Variants in GPHN observed in about 807,000 individuals in gnomAD.
GPHN encodes gephyrin.
A neutral mutation model predicts 95.5 loss-of-function variants in GPHN; 17 were observed. That is an observed-to-expected ratio of 0.18 (90% CI 0.12 to 0.27). GPHN has a LOEUF of 0.27. Among genes scored for constraint, GPHN ranks in the 10% least tolerant of loss-of-function variants. The pLI is 1.00. For synonymous variants in GPHN, 320 were observed against 322.5 expected, an observed-to-expected ratio of 0.99 and a Z score of 0.08; for missense variants, 660 against 978.1, an observed-to-expected ratio of 0.67 and a Z score of 4.34.
chr14:67,673,960 G>GAA, the GPHN span, among the ~76,000 whole-genome samples: 1 of 152,092 alleles, frequency 6.6e-6, no homozygotes, highest in African/African-American at 2.4e-5. Context: ...TGACTCCTTT[G>GAA]GGTTTTTAAC....
chr14:66,585,374 G>A (rs905382654), intron 1 of GPHN, among the ~76,000 whole-genome samples: 1 of 151,902 alleles, frequency 6.6e-6, no homozygotes, highest in African/African-American at 2.4e-5. Context: ...AGCGTTTTTT[G>A]TGTCTCTATT....
intron 17 of GPHN, among the ~76,000 whole-genome samples, chr14:67,142,129 G>A (rs554193094): frequency 6.6e-6 from 1 of 152,274 alleles, no homozygotes; most frequent in African/African-American, 2.4e-5. Flanking sequence ...CTCATTAGAT[G>A]TCCATAGGGA....
intron 9 of GPHN, among the ~76,000 whole-genome samples, chr14:66,970,192 T>C (rs1211321804): frequency 6.6e-6 from 1 of 152,034 alleles, no homozygotes; most frequent in African/African-American, 2.4e-5. Flanking sequence ...TGTAGATGTA[T>C]TGAAATATCT....
At chr14:67,656,643 C>A in the GPHN span, 1 of 1,528,520 alleles carries the variant, frequency 6.5e-7, no homozygotes, top group South Asian at 1.3e-5. Context: ...AAATTCATTG[C>A]CAGCATATTC....
chr14:66,979,499 T>C (rs2070503878), intron 9 of GPHN, among the ~76,000 whole-genome samples: 1 of 152,242 alleles, frequency 6.6e-6, no homozygotes. Context: ...CAACTTTTCT[T>C]CTGCAGTTTC....
At chr14:67,350,787 G>A in the GPHN span, 3 of 1,158,282 alleles carry the variant, frequency 2.6e-6, no homozygotes, top group Non-Finnish European at 3.7e-6. Context: ...AGTATTTTAT[G>A]CTGGCTGTGC....
chr14:66,920,546 T>A (rs2066164407), intron 6 of GPHN, among the ~76,000 whole-genome samples: 1 of 151,586 alleles, frequency 6.6e-6, no homozygotes, highest in Admixed American at 6.6e-5. Context: ...TTTTTTTTTT[T>A]AGAGAATGAA....
chr14:66,680,470 A>C (rs903588535), intron 1 of GPHN, among the ~76,000 whole-genome samples: 1 of 152,176 alleles, frequency 6.6e-6, no homozygotes, highest in African/African-American at 2.4e-5. Flanking sequence ...TAATTCTGGC[A>C]CTCAGCAAAT....
At chr14:66,965,362 C>T in intron 9 of GPHN, 37 bp downstream of exon 9, 1 of 1,590,582 alleles carries the variant, frequency 6.3e-7, no homozygotes, top group East Asian at 2.2e-5. Context: ...ACCTGCTCTT[C>T]TATAGTAATC....
chr14:66,817,376 T>G (rs2061016426), intron 3 of GPHN, among the ~76,000 whole-genome samples: 1 of 152,142 alleles, frequency 6.6e-6, no homozygotes, highest in Non-Finnish European at 1.5e-5. Flanking sequence ...CAAGCTTACC[T>G]TTAGAACTAT....
the GPHN span, chr14:67,727,457 C>A: frequency 4.9e-6 from 2 of 410,274 alleles, no homozygotes; most frequent in South Asian, 2.4e-5. Flanking sequence ...TAGCTTTTTG[C>A]AACAGACAGA....
intron 21 of GPHN, among the ~76,000 whole-genome samples, chr14:67,174,227 C>A (rs1357658996): frequency 6.7e-6 from 1 of 150,304 alleles, no homozygotes; most frequent in Non-Finnish European, 1.5e-5. Context: ...CCCCCAGCCC[C>A]CCACCCCACA....
At chr14:67,047,380 T>TTC (rs2075087122) in intron 10 of GPHN, among the ~76,000 whole-genome samples, 1 of 143,282 alleles carries the variant, frequency 7.0e-6, no homozygotes. Context: ...TTTTTTTTTT[T>TTC]TTTGAGACAG....
At chr14:67,238,518 C>T in the GPHN span, among the ~76,000 whole-genome samples, 1 of 152,174 alleles carries the variant, frequency 6.6e-6, no homozygotes. Flanking sequence ...AATCCTCCCG[C>T]TTTGGCATCC....
intron 9 of GPHN, among the ~76,000 whole-genome samples, chr14:67,001,398 G>A (rs1375281001): frequency 1.3e-5 from 2 of 151,558 alleles, no homozygotes; most frequent in African/African-American, 2.4e-5. Flanking sequence ...TAATGTGATA[G>A]CAGTAAAATG....
intron 10 of GPHN, among the ~76,000 whole-genome samples, chr14:67,040,652 T>C (rs1352784727): frequency 6.6e-6 from 1 of 152,202 alleles, no homozygotes; most frequent in Non-Finnish European, 1.5e-5. Flanking sequence ...CAAGTTTGTC[T>C]TTGTCTTTCA....
intron 21 of GPHN, among the ~76,000 whole-genome samples, chr14:67,173,161 G>T (rs1357912384): frequency 6.6e-6 from 1 of 152,128 alleles, no homozygotes; most frequent in Non-Finnish European, 1.5e-5. Context: ...AGCACCCCAA[G>T]ACCCAGGTGC....
chr14:66,792,004 C>T (rs2059986806), intron 3 of GPHN, among the ~76,000 whole-genome samples: 1 of 152,166 alleles, frequency 6.6e-6, no homozygotes, highest in African/African-American at 2.4e-5. Flanking sequence ...GGGGAACTCC[C>T]ATTTATAAAA....
the GPHN span, chr14:67,590,091 T>C: frequency 2.6e-6 from 4 of 1,550,758 alleles, no homozygotes; most frequent in Non-Finnish European, 3.5e-6. Context: ...CATGGGCTTG[T>C]TGATGTGGCT....
Sources: allele counts gnomAD v4.1 joint callset (sites outside exome capture counted in the v4.1 genomes callset), GRCh38; gene constraint gnomAD v4.1.1; transcripts MANE v1.5; gene names NCBI Gene and HGNC (gene_info 2026-07-23, HGNC 2026-07-21).